Variants in MYRFL observed in about 807,000 individuals in gnomAD.
MYRFL encodes myelin regulatory factor like, also known as myelin regulatory factor-like protein.
In MYRFL, 88 loss-of-function variants were observed where a neutral mutation model predicts 109.4. That is an observed-to-expected ratio of 0.80 (90% CI 0.68 to 0.96). MYRFL has a LOEUF of 0.96. MYRFL is among the 40% of genes least tolerant of loss of function. The probability of loss-of-function intolerance (pLI) is 0.00; values close to 1 mark genes in which losing one functional copy is unlikely to be tolerated. For synonymous variants in MYRFL, 324 were observed against 320.9 expected (o/e 1.01, Z -0.10); for missense variants, 957 against 954.9 (o/e 1.00, Z -0.03).
At chr12:69,846,315 A>G (rs1253184135) in intron 1 of MYRFL, among the ~76,000 whole-genome samples, 1 of 150,578 alleles carries the variant, frequency 6.6e-6, no homozygotes, top group African/African-American at 2.5e-5. Flanking sequence ...CATTAGGTAT[A>G]TCTCCTAAAG....
intron 15 of MYRFL, among the ~76,000 whole-genome samples, chr12:69,930,664 A>T (rs961617037): frequency 2.0e-5 from 3 of 152,038 alleles, no homozygotes; most frequent in African/African-American, 7.2e-5. Flanking sequence ...ACAAAAAATT[A>T]AAAAATTAAC....
Position 69,855,360 on chromosome 12 carries a change from T to C in MYRFL, c.127T>C (p.Leu43=), listed in dbSNP as rs564577444. The change falls in exon 2 of 25, where the codon TTG becomes CTG. Residue 43 remains leucine, a synonymous_variant. Transcript: ENST00000552032. ...GGAATTTCTGGGCAATGACTTTGATTTGGGGGCCTTGTAAGTAATGAGAGC... is the reference window on the plus strand; with the variant it reads ...GGAATTTCTGGGCAATGACTTTGATCTGGGGGCCTTGTAAGTAATGAGAGC... ...LEEFLGNDFD[L]GALQRQLPDT... The C allele has an allele frequency of 4.3e-6, 3 of 702,600 alleles. No homozygotes were observed. The African/African-American group carries it at 5.2e-5, about 12-fold the overall frequency. 43.5% of individuals were successfully genotyped at this position (702,600 alleles called of 1,614,324 possible).
chr12:69,910,724 T>G, intron 12 of MYRFL, 97 bp from the exon 13 acceptor site: 1 of 766,856 alleles, frequency 1.3e-6, no homozygotes. Context: ...CCTTCTTTGC[T>G]GCAAATGTAT....
At chr12:69,950,541 A>T (rs919526446) in intron 19 of MYRFL, among the ~76,000 whole-genome samples, 1 of 152,036 alleles carries the variant, frequency 6.6e-6, no homozygotes, top group Non-Finnish European at 1.5e-5. Flanking sequence ...GTATGTCCCT[A>T]CTCCTTTGCA....
chr12:69,832,432 G>T (rs74670313), intron 1 of MYRFL, among the ~76,000 whole-genome samples: 3 of 152,246 alleles, frequency 2.0e-5, no homozygotes, highest in African/African-American at 7.2e-5. Context: ...GGGAGAAGAC[G>T]ATAGGAGATA....
intron 1 of MYRFL, among the ~76,000 whole-genome samples, chr12:69,832,944 TTGTGTGTGTG>T (rs57702116): frequency 0.26 from 37,289 of 143,316 alleles, 5,217 homozygotes; most frequent in African/African-American, 0.38. Context: ...AGGAACAGGC[TTGTGTGTGTG>T]TGTGTGTGTG....
chr12:69,856,038 C>T (rs1299325081), intron 2 of MYRFL, among the ~76,000 whole-genome samples: 1 of 152,056 alleles, frequency 6.6e-6, no homozygotes, highest in East Asian at 1.9e-4. Context: ...ATTATCATAA[C>T]ACACAACACT....
intron 1 of MYRFL, among the ~76,000 whole-genome samples, chr12:69,840,755 A>T (rs1297130837): frequency 6.6e-6 from 1 of 152,204 alleles, no homozygotes; most frequent in Admixed American, 6.5e-5. Flanking sequence ...TGGTAGACAC[A>T]TGCAGGTTTC....
At chr12:69,827,656 C>T (rs1882369162) in intron 1 of MYRFL, among the ~76,000 whole-genome samples, 1 of 151,940 alleles carries the variant, frequency 6.6e-6, no homozygotes. Flanking sequence ...TTGGTTACAA[C>T]CTAAATTTCT....
rs534107797 is a variant in MYRFL, at chr12:69,827,446, A to C, written c.46+1883A>C. Among the ~76,000 whole-genome samples, 417 of 152,110 alleles carry C rather than the reference A, an allele frequency of 2.7e-3. 4 individuals carry two copies. In the South Asian group the frequency reaches 0.033, roughly 12 times the overall value. On this transcript the variant is annotated intron_variant, in intron 1 of 24. Transcript: ENST00000552032. ...AGCTGATAATTCTGGTTCTAATTCA[A>C]ATCCCTGTCTGCCACTGATGCAATA...
chr12:69,936,383 G>T (rs770770965), intron 18 of MYRFL, 48 bp downstream of exon 18: 226 of 1,532,246 alleles, frequency 1.5e-4, no homozygotes, highest in Non-Finnish European at 1.6e-4. Flanking sequence ...CAAGTGAACT[G>T]TTAACAGAAG....
At chr12:69,935,272 C>G (rs1479521648) in intron 16 of MYRFL, among the ~76,000 whole-genome samples, 2 of 152,084 alleles carry the variant, frequency 1.3e-5, no homozygotes, top group African/African-American at 2.4e-5. Context: ...TTTGGAGAAC[C>G]AGGTGTGAAG....
At chr12:69,847,240 C>A (rs1194477650) in intron 1 of MYRFL, among the ~76,000 whole-genome samples, 1 of 152,060 alleles carries the variant, frequency 6.6e-6, no homozygotes, top group East Asian at 1.9e-4. Context: ...CTAATGTATT[C>A]TTCTGCTCAG....
chr12:69,866,903 CA>C (rs1312806650), intron 2 of MYRFL, among the ~76,000 whole-genome samples: 8 of 152,196 alleles, frequency 5.3e-5, no homozygotes, highest in Non-Finnish European at 1.5e-5. Context: ...GTTTTTACTG[CA>C]GGACTTCTCA....
intron 5 of MYRFL, among the ~76,000 whole-genome samples, chr12:69,880,956 T>TG (rs1886057477): frequency 7.2e-6 from 1 of 138,386 alleles, no homozygotes; most frequent in South Asian, 2.4e-4. Context: ...TTCCTGTTTT[T>TG]TTTTTTTTTT....
At chr12:69,917,473 T>C (rs985534346) in intron 13 of MYRFL, among the ~76,000 whole-genome samples, 5 of 151,864 alleles carry the variant, frequency 3.3e-5, no homozygotes, top group African/African-American at 1.2e-4. Context: ...CAACACTTTA[T>C]TGTGGCTTTT....
At chr12:69,841,176 A>G (rs1883222483) in intron 1 of MYRFL, among the ~76,000 whole-genome samples, 1 of 152,136 alleles carries the variant, frequency 6.6e-6, no homozygotes, top group Admixed American at 6.5e-5. Context: ...GCTCACTTCT[A>G]TCTCCAAGAG....
chr12:69,944,784 G>A (rs1323074416), intron 19 of MYRFL, among the ~76,000 whole-genome samples: 1 of 152,082 alleles, frequency 6.6e-6, no homozygotes, highest in East Asian at 1.9e-4. Context: ...TGTAGATGAC[G>A]GGTTGATGGG....
At chr12:69,829,385 T>A (rs1277901512) in intron 1 of MYRFL, among the ~76,000 whole-genome samples, 1 of 151,708 alleles carries the variant, frequency 6.6e-6, no homozygotes, top group African/African-American at 2.4e-5. Context: ...TTCAGGAAAA[T>A]GGGGGAAATG....
Sources: gnomAD v4.1 joint callset for allele counts (sites outside exome capture counted in the v4.1 genomes callset) on GRCh38, gnomAD v4.1.1 for gene constraint, MANE v1.5 for transcripts, NCBI Gene and HGNC (gene_info 2026-07-23, HGNC 2026-07-21) for gene names.